Variants in METTL15 observed in about 807,000 individuals in gnomAD.
The protein encoded by METTL15 is methyltransferase 15, mitochondrial 12S rRNA N4-cytidine.
In METTL15, 34 loss-of-function variants were observed where a neutral mutation model predicts 38.3. The observed-to-expected ratio is 0.89, with a 90% confidence interval of 0.68 to 1.18. The LOEUF (loss-of-function observed/expected upper bound fraction) is 1.18, where lower values mean the gene tolerates loss of function less well. Among genes scored for constraint, METTL15 ranks in the 50% most tolerant of loss-of-function variants. The pLI, the probability that METTL15 is intolerant of heterozygous loss-of-function variation, is 0.00. For missense variants in METTL15, 438 were observed against 498.4 expected (o/e 0.88, Z 1.15); for synonymous variants, 162 against 170.9 (o/e 0.95, Z 0.41).
At chr11:28,218,378 A>G (rs1478580691) in intron 4 of METTL15, among the ~76,000 whole-genome samples, 1 of 152,100 alleles carries the variant, frequency 6.6e-6, no homozygotes, top group Non-Finnish European at 1.5e-5. Flanking sequence ...TTGGTGTATA[A>G]GAATGCTTGT....
intron 3 of METTL15, among the ~76,000 whole-genome samples, chr11:28,151,113 A>G (rs748394600): frequency 8.6e-5 from 13 of 151,850 alleles, no homozygotes; most frequent in Non-Finnish European, 1.5e-4. Flanking sequence ...CACATGATAA[A>G]TATTTGGATC....
chr11:28,451,360 C>T (rs562361183), intron 6 of METTL15, among the ~76,000 whole-genome samples: 9 of 151,800 alleles, frequency 5.9e-5, no homozygotes, highest in South Asian at 4.2e-4. Context: ...CTGAGGCAGG[C>T]GGATCACGAG....
intron 3 of METTL15, among the ~76,000 whole-genome samples, chr11:28,161,340 C>A (rs1386335896): frequency 6.6e-6 from 1 of 151,850 alleles, no homozygotes; most frequent in Non-Finnish European, 1.5e-5. Flanking sequence ...AGGCTGGCTC[C>A]AACTCCTGGC....
intron 3 of METTL15, among the ~76,000 whole-genome samples, chr11:28,166,034 T>G (rs1850647306): frequency 1.3e-5 from 2 of 152,162 alleles, no homozygotes; most frequent in South Asian, 4.1e-4. Flanking sequence ...CTGTTCTGAT[T>G]ATAATGGCTT....
chr11:28,371,052 C>T (rs1049669453), intron 5 of METTL15, among the ~76,000 whole-genome samples: 1 of 151,952 alleles, frequency 6.6e-6, no homozygotes, highest in East Asian at 1.9e-4. Context: ...AAGCTTTTAA[C>T]CTGATGTAAT....
chr11:28,186,499 T>C (rs1181668414), intron 3 of METTL15, among the ~76,000 whole-genome samples: 3 of 151,182 alleles, frequency 2.0e-5, no homozygotes, highest in Non-Finnish European at 4.5e-5. Flanking sequence ...ATTTTACTGG[T>C]TAACCCCTTG....
intron 5 of METTL15, among the ~76,000 whole-genome samples, chr11:28,374,325 T>C (rs182838432): frequency 4.1e-4 from 63 of 152,256 alleles, no homozygotes; most frequent in African/African-American, 1.1e-3. Flanking sequence ...TTTGTTTGTA[T>C]CCTCTTTTAT....
chr11:28,412,868 C>A (rs556641130), intron 5 of METTL15, among the ~76,000 whole-genome samples: 1 of 151,938 alleles, frequency 6.6e-6, no homozygotes, highest in East Asian at 1.9e-4. Flanking sequence ...TATTAGAGAT[C>A]TTGTTAAATG....
In METTL15 at chr11:28,234,081, T is replaced by G. The variant is rs1590196767; in HGVS notation, c.407+22883T>G. Among the ~76,000 whole-genome samples, 3 of 152,190 alleles carry G rather than the reference T, an allele frequency of 2.0e-5. No homozygotes were observed. In the East Asian group the frequency reaches 5.8e-4, roughly 29 times the overall value. On this transcript the variant is annotated intron_variant, in intron 4 of 6. Coordinates refer to ENST00000407364, the MANE Select transcript of METTL15 (RefSeq NM_001113528.2). The stretch of plus-strand genomic sequence containing the variant: ...TTGGTTTTTTGTCCTTGCGATAGTT[T>G]ACTGAGAATGATAATTTCCAATTTC...
chr11:28,430,930 C>T (rs1590372210), intron 6 of METTL15, among the ~76,000 whole-genome samples: 12 of 112,850 alleles, frequency 1.1e-4, no homozygotes, highest in Admixed American at 2.6e-4. Context: ...CCCGGCCAGC[C>T]GCCCCGTCCG....
intron 3 of METTL15, among the ~76,000 whole-genome samples, chr11:28,345,628 C>T (rs1849989632): frequency 6.6e-6 from 1 of 152,224 alleles, no homozygotes; most frequent in African/African-American, 2.4e-5. Context: ...AACTGCAATG[C>T]AGCAACCCTT....
At chr11:28,404,968 G>A (rs1850661947) in intron 5 of METTL15, among the ~76,000 whole-genome samples, 2 of 152,086 alleles carry the variant, frequency 1.3e-5, no homozygotes, top group Admixed American at 6.6e-5. Flanking sequence ...ATCATAGAAA[G>A]ACTGATTAGA....
chr11:28,187,524 C>CTTT (rs34400562), intron 3 of METTL15, among the ~76,000 whole-genome samples: 3 of 126,628 alleles, frequency 2.4e-5, no homozygotes, highest in Admixed American at 8.2e-5. Flanking sequence ...AATGTTTGTG[C>CTTT]TTTTTTTTTT....
chr11:28,226,199 G>A (rs1419219765), intron 4 of METTL15, among the ~76,000 whole-genome samples: 4 of 151,930 alleles, frequency 2.6e-5, no homozygotes, highest in African/African-American at 7.2e-5. Flanking sequence ...GGCAGTGGGT[G>A]TGAGTGGAAC....
chr11:28,472,071 A>C (rs1271114347), intron 6 of METTL15, among the ~76,000 whole-genome samples: 1 of 152,190 alleles, frequency 6.6e-6, no homozygotes, highest in African/African-American at 2.4e-5. Context: ...ACTTTGAGAA[A>C]ATATGGTCTT....
At chr11:28,160,818 A>G (rs893199594) in intron 3 of METTL15, among the ~76,000 whole-genome samples, 3 of 152,056 alleles carry the variant, frequency 2.0e-5, no homozygotes, top group African/African-American at 7.2e-5. Context: ...CCAAGAGTAA[A>G]ATTTTCATCC....
chr11:28,310,954 T>TGGG (rs1857268110), intron 6 of METTL15, among the ~76,000 whole-genome samples: 1 of 90,750 alleles, frequency 1.1e-5, no homozygotes, highest in Non-Finnish European at 2.2e-5. Flanking sequence ...GTGGTGGTGG[T>TGGG]GGTGGTGGTG....
chr11:28,391,643 C>T (rs190536792), intron 5 of METTL15, among the ~76,000 whole-genome samples: 13 of 152,166 alleles, frequency 8.5e-5, no homozygotes. Context: ...CAGAACAGAG[C>T]CCTCGGAAAT....
chr11:28,244,259 A>G (rs1854422476), intron 4 of METTL15, among the ~76,000 whole-genome samples: 1 of 152,220 alleles, frequency 6.6e-6, no homozygotes, highest in African/African-American at 2.4e-5. Context: ...AGTGTATGCA[A>G]GAGTATCCAT....
Sources: allele counts gnomAD v4.1 joint callset (sites outside exome capture counted in the v4.1 genomes callset), GRCh38; gene constraint gnomAD v4.1.1; transcripts MANE v1.5; gene names NCBI Gene and HGNC (gene_info 2026-07-23, HGNC 2026-07-21).